The following RERE variants were observed in gnomAD, a reference collection of about 807,000 sequenced individuals.
The protein encoded by RERE is arginine-glutamic acid dipeptide repeats protein.
Under a neutral mutation model 146.1 loss-of-function variants are expected in RERE, and 40 were observed. The ratio of observed to expected loss-of-function variants is 0.27; its 90% CI spans 0.21 to 0.36. The LOEUF (loss-of-function observed/expected upper bound fraction) is 0.36, where lower values mean the gene tolerates loss of function less well. Among genes scored for constraint, RERE ranks in the 10% least tolerant of loss-of-function variants. The probability of loss-of-function intolerance (pLI) is 1.00; values close to 1 mark genes in which losing one functional copy is unlikely to be tolerated. For synonymous variants in RERE, 1,003 were observed against 866.0 expected, an observed-to-expected ratio of 1.16 and a Z score of -2.78; for missense variants, 1,933 against 2,138.7, an observed-to-expected ratio of 0.90 and a Z score of 1.90.
At chr1:8,658,764 AAAAGAAAG>A (rs532783647) in intron 1 of RERE, among the ~76,000 whole-genome samples, 4 of 151,806 alleles carry the variant, frequency 2.6e-5, no homozygotes, top group Admixed American at 6.6e-5. Context: ...TCAAAAAAAA[AAAAGAAAG>A]AAAGAAAGAA....
At chr1:8,592,786 T>A (rs1646510960) in intron 4 of RERE, among the ~76,000 whole-genome samples, 1 of 152,142 alleles carries the variant, frequency 6.6e-6, no homozygotes, top group Non-Finnish European at 1.5e-5. Context: ...AACTTAATCA[T>A]ATTTGCGTGG....
intron 3 of RERE, 72 bp downstream of exon 3, chr1:8,624,238 T>C (rs1361649731): frequency 3.3e-6 from 4 of 1,207,158 alleles, no homozygotes; most frequent in African/African-American, 3.0e-5. Context: ...GGAGGAACAA[T>C]AAGAGATAGC....
At chr1:8,456,474 A>G (rs1460836936) in intron 11 of RERE, among the ~76,000 whole-genome samples, 10 of 152,226 alleles carry the variant, frequency 6.6e-5, no homozygotes, top group African/African-American at 2.4e-5. Flanking sequence ...TCTTGACACA[A>G]TGAGCAGCTG....
intron 12 of RERE, among the ~76,000 whole-genome samples, chr1:8,380,411 T>C (rs975346596): frequency 6.6e-6 from 1 of 151,470 alleles, no homozygotes; most frequent in African/African-American, 2.4e-5. Context: ...TGCAGTGGCA[T>C]GGTCTCAGCT....
intron 1 of RERE, 93 bp downstream of exon 1, chr1:8,817,067 G>C (rs919880422): frequency 1.6e-4 from 24 of 152,284 alleles, no homozygotes; most frequent in African/African-American, 4.8e-4. Flanking sequence ...CCCCGGGCGA[G>C]TGACTGCTTT....
At chr1:8,597,212 C>T (rs1047698361) in intron 4 of RERE, among the ~76,000 whole-genome samples, 5 of 152,042 alleles carry the variant, frequency 3.3e-5, no homozygotes, top group Non-Finnish European at 7.4e-5. Context: ...CCTCAGCCTC[C>T]TAAGCAGCTG....
intron 7 of RERE, among the ~76,000 whole-genome samples, chr1:8,510,080 CAAGGAG>C (rs1244869084): frequency 6.6e-6 from 1 of 151,554 alleles, no homozygotes; most frequent in East Asian, 1.9e-4. Context: ...AGGAGGAAGA[CAAGGAG>C]GAGGAGGAGA....
intron 11 of RERE, among the ~76,000 whole-genome samples, chr1:8,462,559 G>A (rs568689582): frequency 6.6e-6 from 1 of 152,354 alleles, no homozygotes; most frequent in South Asian, 2.1e-4. Context: ...GAGGTGCAGA[G>A]GCCCAGCCTG....
At chr1:8,502,818 T>TAC (rs1645193001) in intron 8 of RERE, among the ~76,000 whole-genome samples, 1 of 148,356 alleles carries the variant, frequency 6.7e-6, no homozygotes, top group South Asian at 2.1e-4. Context: ...AAACATGTGC[T>TAC]GTGTCCACTC....
At chr1:8,694,977 G>GGGGGA (rs1553135221) in intron 1 of RERE, among the ~76,000 whole-genome samples, 1 of 127,536 alleles carries the variant, frequency 7.8e-6, no homozygotes, top group Non-Finnish European at 1.7e-5. Flanking sequence ...ATCCTAAGGG[G>GGGGGA]GGGGGGGGAA....
chr1:8,751,300 T>C (rs1334694174), intron 1 of RERE, among the ~76,000 whole-genome samples: 3 of 152,170 alleles, frequency 2.0e-5, no homozygotes, highest in Non-Finnish European at 2.9e-5. Context: ...TGCCAGGGAT[T>C]ATGCCAAGCA....
At chr1:8,383,401 G>A (rs1642523590) in intron 12 of RERE, among the ~76,000 whole-genome samples, 1 of 151,636 alleles carries the variant, frequency 6.6e-6, no homozygotes, top group Non-Finnish European at 1.5e-5. Context: ...TCTATATCAG[G>A]CAACTATGGG....
At chr1:8,586,060 G>C (rs1014990777) in intron 4 of RERE, among the ~76,000 whole-genome samples, 1 of 152,116 alleles carries the variant, frequency 6.6e-6, no homozygotes, top group Non-Finnish European at 1.5e-5. Context: ...AAGAAATGCA[G>C]GGGTCAGAGG....
chr1:8,657,806 C>T (rs1291462350), intron 1 of RERE, among the ~76,000 whole-genome samples: 2 of 152,176 alleles, frequency 1.3e-5, no homozygotes, highest in South Asian at 4.1e-4. Context: ...GAGATCACAC[C>T]ACTGCACTCC....
intron 11 of RERE, among the ~76,000 whole-genome samples, chr1:8,441,712 A>G (rs1644250689): frequency 6.6e-6 from 1 of 152,232 alleles, no homozygotes; most frequent in African/African-American, 2.4e-5. Context: ...TATCATTCCC[A>G]TCTACTTACT....
At chr1:8,759,835 CTA>C (rs1171182177) in intron 1 of RERE, among the ~76,000 whole-genome samples, 10 of 117,366 alleles carry the variant, frequency 8.5e-5, no homozygotes, top group East Asian at 5.9e-4. Flanking sequence ...CTTACTCTCT[CTA>C]TACACACACA....
In RERE at chr1:8,423,655, G is replaced by A; in HGVS notation, c.1204-848C>T. The A allele has an allele frequency of 1.0e-6, 1 of 984,576 alleles. No individual in the cohort carries two copies. Among genetic ancestry groups the A allele is most frequent in the Non-Finnish European group, 1.2e-6 (1 of 829,700 alleles). The allele number at this position is 984,576 out of a possible 1,614,324, so 61.0% of individuals were successfully genotyped here. A position where few individuals can be genotyped will look rare whatever the true frequency, so the allele number is the denominator to read the frequency against. Reference sequence around the variant, plus strand: ...CGGCAAGAGGCCGTCGCCTGTCACTGGGCTCCGGCTCCACAAAGCGCAGGG... The same window carrying A: ...CGGCAAGAGGCCGTCGCCTGTCACTAGGCTCCGGCTCCACAAAGCGCAGGG... On this transcript the variant is annotated intron_variant, in intron 11 of 22. Transcript: ENST00000400908. This position sits in a 1 kb window ranked among gnomAD's most constrained non-coding sequence, Gnocchi z 5.4.
At position 8,654,915 on chromosome 1, in the gene RERE, T is replaced by G. The variant is rs140742373; in HGVS notation, c.325+1058A>C. 8.0e-3 allele frequency among the ~76,000 whole-genome samples: 1,213 copies of G among 152,064 alleles called. 12 individuals carry two copies. The highest frequency in any genetic ancestry group is 0.028 in the African/African-American group (1,159 of 41,496). On this transcript the variant is annotated intron_variant, in intron 2 of 22. Coordinates refer to ENST00000400908, the MANE Select transcript of RERE (RefSeq NM_001042681.2). ...GCCTCCCAAAGTGCTGGGATTACAC[T>G]GTGCCCAGCCTAAAAAAGGTGTCTT...
At chr1:8,357,120 G>A (rs934890847) in intron 20 of RERE, among the ~76,000 whole-genome samples, 11 of 152,246 alleles carry the variant, frequency 7.2e-5, no homozygotes, top group Admixed American at 6.5e-4. Flanking sequence ...CTCTCACAAC[G>A]TGGCACACGT....
Sources: gnomAD v4.1 joint callset for allele counts (sites outside exome capture counted in the v4.1 genomes callset) on GRCh38, gnomAD v4.1.1 for gene constraint, Gnocchi (gnomAD v3.1) non-coding constraint, MANE v1.5 for transcripts, NCBI Gene and HGNC (gene_info 2026-07-23, HGNC 2026-07-21) for gene names.